The following WDFY3 variants were observed in gnomAD, a reference collection of about 807,000 sequenced individuals.
The protein encoded by WDFY3 is WD repeat and FYVE domain containing 3.
Under a neutral mutation model 409.6 loss-of-function variants are expected in WDFY3, and 66 were observed. The observed-to-expected ratio is 0.16, with a 90% CI of 0.13 to 0.20. The LOEUF (loss-of-function observed/expected upper bound fraction) is 0.20. WDFY3 is among the 10% of genes least tolerant of loss of function. WDFY3 has a pLI of 1.00. For synonymous variants in WDFY3, 1,521 were observed against 1,537.1 expected (o/e 0.99, Z 0.25); for missense variants, 3,031 against 4,298.1 (o/e 0.71, Z 8.24).
Position 84,735,035 on chromosome 4 carries a change from G to A in WDFY3, c.6993+8C>T. On this transcript the variant is annotated splice_region_variant and intron_variant, in intron 43 of 67. Coordinates refer to ENST00000295888, the MANE Select transcript of WDFY3 (RefSeq NM_014991.6). Reference sequence around the variant, plus strand: ...AAACAAACCATTATGATGATTATAAGTCCTTACCTCCTGATATTCTTTATA... The same window carrying A: ...AAACAAACCATTATGATGATTATAAATCCTTACCTCCTGATATTCTTTATA... 6.2e-7 allele frequency: 1 copy of A among 1,607,674 alleles called. No homozygotes were observed. The highest frequency in any genetic ancestry group is 8.5e-7 in the Non-Finnish European group (1 of 1,175,608).
intron 3 of WDFY3, among the ~76,000 whole-genome samples, chr4:84,864,284 C>T (rs1761064807): frequency 6.7e-6 from 1 of 149,278 alleles, no homozygotes; most frequent in African/African-American, 2.5e-5. Context: ...AGGGAATCAC[C>T]TGAGCCTGCG....
chr4:84,779,014 G>T (rs1560737458), intron 26 of WDFY3, among the ~76,000 whole-genome samples: 1 of 152,102 alleles, frequency 6.6e-6, no homozygotes, highest in Non-Finnish European at 1.5e-5. Context: ...GTATGCACAT[G>T]ATGGTAACTA....
intron 49 of WDFY3, among the ~76,000 whole-genome samples, chr4:84,715,774 CA>C (rs1733781696): frequency 1.3e-5 from 1 of 76,840 alleles, no homozygotes; most frequent in Non-Finnish European, 2.4e-5. Context: ...GACTCTGTCT[CA>C]GAAAAAAAAA....
intron 2 of WDFY3, among the ~76,000 whole-genome samples, chr4:84,905,207 G>A (rs1464074581): frequency 6.6e-6 from 1 of 152,120 alleles, no homozygotes; most frequent in African/African-American, 2.4e-5. Flanking sequence ...ATCATGGCGT[G>A]TGCCTGTAAT....
Position 84,811,089 on chromosome 4 carries a change from C to T in WDFY3, c.1888-745G>A, listed in dbSNP as rs1027528141. ...CTTGGCTCACTGCAACCTCTACCTCCTGGGTTCAAGCAATTCTCGTGCCTC... is the reference window on the plus strand; with the variant it reads ...CTTGGCTCACTGCAACCTCTACCTCTTGGGTTCAAGCAATTCTCGTGCCTC... On this transcript the variant is annotated intron_variant, in intron 13 of 67. Coordinates refer to ENST00000295888, the MANE Select transcript of WDFY3 (RefSeq NM_014991.6). 5.9e-5 allele frequency among the ~76,000 whole-genome samples: 9 copies of T among 152,228 alleles called. 2 individuals carry two copies. The highest frequency in any genetic ancestry group is 5.2e-4 in the Admixed American group (8 of 15,286).
chr4:84,884,194 C>T (rs1392206412), intron 3 of WDFY3, among the ~76,000 whole-genome samples: 1 of 152,092 alleles, frequency 6.6e-6, no homozygotes, highest in Non-Finnish European at 1.5e-5. Context: ...CCTAGTAGAA[C>T]ATACACTAAG....
chr4:84,924,633 T>G (rs1321737415), intron 2 of WDFY3, among the ~76,000 whole-genome samples: 1 of 152,182 alleles, frequency 6.6e-6, no homozygotes, highest in Non-Finnish European at 1.5e-5. Flanking sequence ...AAACCAGGCT[T>G]TAGAAACAGG....
In WDFY3 at chr4:84,780,098, A is replaced by C. The variant is rs1746241644; in HGVS notation, c.4365+10T>G. On this transcript the variant is annotated intron_variant, in intron 26 of 67. Coordinates refer to ENST00000295888, the MANE Select transcript of WDFY3 (RefSeq NM_014991.6). ...AGGTGAAGTGAAGGCAAAGTTTTAC[A>C]GTTACAAACCTGGTAGCCCTTGATT... 2.6e-6 allele frequency: 4 copies of C among 1,560,472 alleles called. No individual in the cohort carries two copies. Among genetic ancestry groups the C allele is most frequent in the African/African-American group, 1.4e-5 (1 of 72,992 alleles).
At chr4:84,859,216 C>T (rs1332566734) in intron 4 of WDFY3, among the ~76,000 whole-genome samples, 1 of 152,154 alleles carries the variant, frequency 6.6e-6, no homozygotes, top group Non-Finnish European at 1.5e-5. Context: ...TAAGGTTCAT[C>T]TTTGAATAAA....
intron 60 of WDFY3, among the ~76,000 whole-genome samples, chr4:84,691,125 G>T (rs1729192556): frequency 1.3e-5 from 2 of 152,296 alleles, no homozygotes; most frequent in African/African-American, 2.4e-5. Context: ...AGGGACTGTT[G>T]GAGGGCAAAC....
chr4:84,886,569 C>T (rs188495770), intron 3 of WDFY3: 2 of 150,602 alleles, frequency 1.3e-5, no homozygotes, highest in Admixed American at 6.6e-5. Context: ...AATCCTCTGA[C>T]ACAAAAAAAA....
intron 2 of WDFY3, among the ~76,000 whole-genome samples, chr4:84,922,963 G>A (rs544967270): frequency 5.3e-5 from 8 of 152,268 alleles, no homozygotes; most frequent in Non-Finnish European, 5.9e-5. Flanking sequence ...GCTAAAAATC[G>A]AAGTGTTTGG....
At position 84,757,059 on chromosome 4, in the gene WDFY3, G is replaced by A. The variant is rs1404184029; in HGVS notation, c.5291C>T (p.Pro1764Leu). The A allele has an allele frequency of 6.2e-7, 1 of 1,614,032 alleles. No homozygotes were observed. Among genetic ancestry groups the A allele is most frequent in the African/African-American group, 1.3e-5 (1 of 75,020 alleles). The change falls in exon 33 of 68, where the codon CCT becomes CTT. Residue 1764 changes from proline (P) to leucine (L), a missense_variant. Pro to Leu is a moderately conservative substitution (Grantham distance 98). Coordinates refer to ENST00000295888, the MANE Select transcript of WDFY3 (RefSeq NM_014991.6). ...GAGGGCAGGGACATTAGTGTGTTTA[G>A]GAAGGAATGACTGAAGGACTGGAAA... ...PGFPVLQSFL[P>L]KHTNVPALYF...
intron 63 of WDFY3, 176 bp from the exon 64 acceptor site, chr4:84,682,646 G>C (rs919772941): frequency 1.7e-6 from 1 of 604,942 alleles, no homozygotes; most frequent in Non-Finnish European, 3.0e-6. Flanking sequence ...GCACACAATG[G>C]CTGTTTCAAA....
chr4:84,909,248 A>C (rs1767455894), intron 2 of WDFY3, among the ~76,000 whole-genome samples: 2 of 152,116 alleles, frequency 1.3e-5, no homozygotes, highest in South Asian at 4.1e-4. Flanking sequence ...GGGTAAAATA[A>C]ACTAAAATAC....
At chr4:84,853,366 G>T (rs1047030457) in intron 4 of WDFY3, among the ~76,000 whole-genome samples, 3 of 150,786 alleles carry the variant, frequency 2.0e-5, no homozygotes, top group African/African-American at 7.3e-5. Context: ...TAGAGATGGG[G>T]TTTCACCATG....
intron 2 of WDFY3, among the ~76,000 whole-genome samples, chr4:84,919,384 C>A (rs955260274): frequency 6.6e-6 from 1 of 152,078 alleles, no homozygotes; most frequent in East Asian, 1.9e-4. Context: ...TCAATGGATG[C>A]TACATACAGG....
Position 84,740,280 on chromosome 4 carries a change from G to A in WDFY3, c.6371C>T (p.Thr2124Ile), listed in dbSNP as rs1489002350. The A allele has an allele frequency of 6.2e-7, 1 of 1,613,948 alleles. No homozygotes were observed. The highest frequency in any genetic ancestry group is 8.5e-7 in the Non-Finnish European group (1 of 1,180,012). Residue 2124 changes from threonine (T) to isoleucine (I), a missense_variant, in exon 39 of 68, where the codon ACT becomes ATT. By Grantham distance (89) the Thr-to-Ile change is moderately conservative. Transcript: ENST00000295888. ...VALLDSLRVL[T>I]VNRNLILGPG... ...TCCCAGGATCAAGTTTCTGTTTACAGTGAGGACCCTGAGTGAATCAAGCAG... is the reference window on the plus strand; with the variant it reads ...TCCCAGGATCAAGTTTCTGTTTACAATGAGGACCCTGAGTGAATCAAGCAG...
intron 1 of WDFY3, among the ~76,000 whole-genome samples, chr4:84,961,897 T>TA (rs1366463851): frequency 7.9e-5 from 12 of 152,186 alleles, no homozygotes; most frequent in African/African-American, 2.9e-4. Context: ...AATAAAAAGG[T>TA]TACTGATATT....
Sources: gnomAD v4.1 joint callset for allele counts (sites outside exome capture counted in the v4.1 genomes callset) on GRCh38, gnomAD v4.1.1 for gene constraint, MANE v1.5 for transcripts, NCBI Gene and HGNC (gene_info 2026-07-23, HGNC 2026-07-21) for gene names.